The following SAFB2 variants were observed in gnomAD, a reference collection of about 807,000 sequenced individuals.
SAFB2 encodes scaffold attachment factor B2.
Under a neutral mutation model 100.6 loss-of-function variants are expected in SAFB2, and 32 were observed. The observed-to-expected ratio is 0.32, with a 90% CI of 0.24 to 0.43. The LOEUF (loss-of-function observed/expected upper bound fraction) is 0.43, where lower values mean the gene tolerates loss of function less well. Ranked by LOEUF, SAFB2 falls within the 20% of genes least tolerant of loss-of-function variation. The probability of loss-of-function intolerance (pLI) is 1.00; values close to 1 mark genes in which losing one functional copy is unlikely to be tolerated. For missense variants in SAFB2, 1,185 were observed against 1,163.4 expected, an observed-to-expected ratio of 1.02 and a Z score of -0.27; for synonymous variants, 500 against 439.4, an observed-to-expected ratio of 1.14 and a Z score of -1.72.
intron 9 of SAFB2, among the ~76,000 whole-genome samples, chr19:5,607,472 C>A (rs2052801664): frequency 6.6e-6 from 1 of 152,118 alleles, no homozygotes; most frequent in Non-Finnish European, 1.5e-5. Flanking sequence ...CAACAGAGCA[C>A]CCCTTGCAGA....
chr19:5,590,110 T>G (rs1322354667), intron 18 of SAFB2, among the ~76,000 whole-genome samples, 168 bp downstream of exon 18: 4 of 152,144 alleles, frequency 2.6e-5, no homozygotes, highest in African/African-American at 9.7e-5. Flanking sequence ...GCTTTCTTCT[T>G]GAGAACCTGG....
chr19:5,597,619 G>A (rs909647306), intron 13 of SAFB2, among the ~76,000 whole-genome samples: 1 of 152,118 alleles, frequency 6.6e-6, no homozygotes, highest in Non-Finnish European at 1.5e-5. Flanking sequence ...TGGACACACG[G>A]AGGCTTTAGT....
chr19:5,610,748 A>C, intron 7 of SAFB2, 60 bp from the exon 8 acceptor site: 1 of 1,214,622 alleles, frequency 8.2e-7, no homozygotes, highest in South Asian at 1.4e-5. Flanking sequence ...CAAAACTAAA[A>C]ATATGATTAT....
At chr19:5,592,968 G>A (rs1327286982) in intron 15 of SAFB2, 81 bp from the exon 16 acceptor site, 3 of 1,384,832 alleles carry the variant, frequency 2.2e-6, no homozygotes, top group East Asian at 2.4e-5. Flanking sequence ...GAGGTGGGGA[G>A]GGGAGCTCTC....
At chr19:5,613,642 G>T (rs1413472794) in intron 4 of SAFB2, 115 bp from the exon 5 acceptor site, 1 of 1,510,676 alleles carries the variant, frequency 6.6e-7, no homozygotes, top group East Asian at 2.4e-5. Context: ...TTTGCCATCT[G>T]CAAGTCTACT....
rs750771193 is a variant in SAFB2, at chr19:5,592,777, C to T, written c.2318G>A (p.Arg773Gln). Residue 773 changes from arginine to glutamine, a missense_variant, in exon 16 of 21, where the codon CGG becomes CAG. Physicochemically the swap from Arg to Gln is conservative, Grantham distance 43. This residue lies in a region of SAFB2 where 740 missense variants were observed against 687.1 expected (regional missense o/e 1.08). Transcript: ENST00000252542. The part of the protein sequence containing the change: ...HRFHDFDHRD[R>Q]GQYQDHAIDR... Reference sequence around the variant, plus strand: ...GATGGCGTGGTCCTGGTACTGGCCCCGGTCTCGATGATCGAAGTCGTGAAA... The same window carrying T: ...GATGGCGTGGTCCTGGTACTGGCCCTGGTCTCGATGATCGAAGTCGTGAAA... The T allele has an allele frequency of 2.2e-5, 35 of 1,614,006 alleles. No individual in the cohort carries two copies. The highest frequency in any genetic ancestry group is 1.6e-4 in the Middle Eastern group (1 of 6,070).
chr19:5,601,534 C>G (rs2052657706), intron 11 of SAFB2, among the ~76,000 whole-genome samples: 1 of 152,074 alleles, frequency 6.6e-6, no homozygotes, highest in South Asian at 2.1e-4. Context: ...CATTGTGAAA[C>G]TCCGTCTCTA....
chr19:5,598,328 G>C (rs1384845010), intron 13 of SAFB2, among the ~76,000 whole-genome samples: 1 of 152,116 alleles, frequency 6.6e-6, no homozygotes, highest in African/African-American at 2.4e-5. Flanking sequence ...GTCTAGTTGT[G>C]TGCACAACTC....
At chr19:5,602,685 T>C (rs1040331468) in intron 11 of SAFB2, among the ~76,000 whole-genome samples, 1 of 151,998 alleles carries the variant, frequency 6.6e-6, no homozygotes, top group Admixed American at 6.6e-5. Context: ...AGGAAACTGC[T>C]GCATTCCCAG....
At chr19:5,594,207 C>G in intron 14 of SAFB2, 29 bp from the exon 15 acceptor site, 1 of 1,547,122 alleles carries the variant, frequency 6.5e-7, no homozygotes, top group Non-Finnish European at 8.7e-7. Context: ...CTGCCCTGAA[C>G]TCCCTGCGTG....
chr19:5,590,183 G>A, intron 18 of SAFB2, 95 bp downstream of exon 18: 2 of 1,198,350 alleles, frequency 1.7e-6, no homozygotes, highest in South Asian at 3.5e-5. Context: ...AGCTCCCCTA[G>A]CTGAATCAAA....
Position 5,592,831 on chromosome 19 carries a change from C to G in SAFB2, c.2264G>C (p.Arg755Pro), listed in dbSNP as rs547264084. 1 of 1,614,166 alleles carries G rather than the reference C, an allele frequency of 6.2e-7. No homozygotes were observed. The highest frequency in any genetic ancestry group is 1.1e-5 in the South Asian group (1 of 91,072). ...GKRVAMEDRY[R>P]ADFPRPDHRF... Reference sequence around the variant, plus strand: ...GTGGTCTGGCCGGGGAAAGTCTGCACGATATCGGTCCTCCATTGCCACACG... The same window carrying G: ...GTGGTCTGGCCGGGGAAAGTCTGCAGGATATCGGTCCTCCATTGCCACACG... Residue 755 changes from arginine to proline, a missense_variant, in exon 16 of 21, where the codon CGT (arginine) becomes CCT (proline). Transcript: ENST00000252542.
intron 13 of SAFB2, among the ~76,000 whole-genome samples, chr19:5,596,945 T>C (rs2285964): frequency 0.015 from 2,293 of 152,162 alleles, 32 homozygotes; most frequent in Admixed American, 0.02. Context: ...AAGGTCAAGA[T>C]GAGACATTAC....
At chr19:5,612,611 C>A (rs751319420) in intron 5 of SAFB2, 44 bp from the exon 6 acceptor site, 8 of 1,505,496 alleles carry the variant, frequency 5.3e-6, no homozygotes, top group Admixed American at 5.0e-5. Flanking sequence ...ACTTTAAACA[C>A]GGGGCACATA....
intron 11 of SAFB2, among the ~76,000 whole-genome samples, chr19:5,602,673 CA>C (rs2052688355): frequency 6.6e-6 from 1 of 151,942 alleles, no homozygotes; most frequent in African/African-American, 2.4e-5. Flanking sequence ...CTACAAGGAC[CA>C]AGGAAACTGC....
chr19:5,593,605 A>C, intron 15 of SAFB2: 1 of 379,298 alleles, frequency 2.6e-6, no homozygotes, highest in Non-Finnish European at 4.7e-6. Context: ...CTCCACGGGT[A>C]AGTGGAGAGG....
At chr19:5,622,008 C>A (rs1201045376) in intron 1 of SAFB2, among the ~76,000 whole-genome samples, 4 of 152,260 alleles carry the variant, frequency 2.6e-5, no homozygotes. Flanking sequence ...AGGAAGGGCG[C>A]TCAGGAAGGT....
rs1244850473 is a variant in SAFB2, at chr19:5,591,500, G to A, written c.2394+248C>T. 8 of 407,392 alleles carry A rather than the reference G, an allele frequency of 2.0e-5. No homozygotes were observed. The East Asian group carries it at 3.0e-4, about 15-fold the overall frequency. The allele number at this position is 407,392 out of a possible 1,614,324, so 25.2% of individuals were successfully genotyped here. ...TCACCATGTCGGCCAGGCTGGTCTT[G>A]AACTCCTGACCTTGTGATCCACCCA... On this transcript the variant is annotated intron_variant, in intron 17 of 20. Transcript: ENST00000252542.
intron 18 of SAFB2, among the ~76,000 whole-genome samples, chr19:5,589,561 C>T (rs925442431): frequency 2.0e-5 from 3 of 152,066 alleles, no homozygotes; most frequent in Admixed American, 6.5e-5. Flanking sequence ...GGGCAGCAGC[C>T]GCAAAGCAGT....
Sources: allele counts gnomAD v4.1 joint callset (sites outside exome capture counted in the v4.1 genomes callset), GRCh38; gene constraint gnomAD v4.1.1; regional missense constraint gnomAD v4.1.1; transcripts MANE v1.5; gene names NCBI Gene and HGNC (gene_info 2026-07-23, HGNC 2026-07-21).